Variants in BACE2 observed in about 807,000 individuals in gnomAD.
BACE2 encodes the protein 56 kDa aspartic-like protease.
BACE2 carries 17 observed loss-of-function variants against 46.2 expected under a neutral mutation model. That is an observed-to-expected ratio of 0.37 (90% confidence interval 0.25 to 0.55). The LOEUF (loss-of-function observed/expected upper bound fraction) is 0.55. BACE2 is among the 20% of genes least tolerant of loss of function. BACE2 has a pLI of 0.82. For missense variants in BACE2, 595 were observed against 698.1 expected, an observed-to-expected ratio of 0.85 and a Z score of 1.66; for synonymous variants, 277 against 295.9, an observed-to-expected ratio of 0.94 and a Z score of 0.66.
intron 1 of BACE2, 67 bp from the exon 2 acceptor site, chr21:41,226,199 C>A: frequency 8.2e-7 from 1 of 1,224,490 alleles, no homozygotes; most frequent in South Asian, 1.3e-5. Context: ...AAACATTATT[C>A]AAGAGTATTG....
intron 8 of BACE2, among the ~76,000 whole-genome samples, chr21:41,264,501 T>G (rs1988019818): frequency 6.6e-6 from 1 of 152,024 alleles, no homozygotes; most frequent in African/African-American, 2.4e-5. Flanking sequence ...TTATACAGAC[T>G]TCTGCTTCTC....
intron 8 of BACE2, among the ~76,000 whole-genome samples, chr21:41,267,417 T>G (rs777572575): frequency 2.6e-5 from 4 of 152,250 alleles, no homozygotes; most frequent in Non-Finnish European, 4.4e-5. Context: ...CTCTCTGTTA[T>G]TTTAGTGTAT....
intron 2 of BACE2, among the ~76,000 whole-genome samples, chr21:41,229,550 C>T (rs533918192): frequency 5.4e-4 from 82 of 152,202 alleles, no homozygotes; most frequent in Non-Finnish European, 9.3e-4. Flanking sequence ...CACATCCTTT[C>T]GCTATGCAGA....
chr21:41,243,614 A>T (rs920718829), intron 5 of BACE2, 104 bp downstream of exon 5: 11 of 1,218,490 alleles, frequency 9.0e-6, no homozygotes, highest in Non-Finnish European at 1.2e-5. Context: ...ATTACCTCGT[A>T]AGATAAAGGC....
At chr21:41,244,964 C>T (rs1032792003) in intron 5 of BACE2, among the ~76,000 whole-genome samples, 3 of 151,754 alleles carry the variant, frequency 2.0e-5, no homozygotes, top group Non-Finnish European at 4.4e-5. Context: ...TAGGTTCTTT[C>T]CTGCCCACCC....
chr21:41,197,679 C>T (rs1985790349), intron 1 of BACE2, among the ~76,000 whole-genome samples: 1 of 152,032 alleles, frequency 6.6e-6, no homozygotes, highest in African/African-American at 2.4e-5. Flanking sequence ...GGAAATAAGC[C>T]GTACCTTCCG....
intron 5 of BACE2, among the ~76,000 whole-genome samples, chr21:41,244,794 C>G (rs780106162): frequency 9.2e-5 from 14 of 152,094 alleles, no homozygotes; most frequent in Non-Finnish European, 1.6e-4. Flanking sequence ...TGTCAAGAGG[C>G]ACTTATTTGT....
chr21:41,188,390 T>A (rs73902947), intron 1 of BACE2, among the ~76,000 whole-genome samples: 6,056 of 152,208 alleles, frequency 0.04, 360 homozygotes, highest in African/African-American at 0.13. Context: ...GGGTGTTCCA[T>A]GGTTGGCAGG....
intron 3 of BACE2, among the ~76,000 whole-genome samples, chr21:41,241,245 GC>G (rs1293080353): frequency 6.6e-6 from 1 of 152,184 alleles, no homozygotes; most frequent in African/African-American, 2.4e-5. Flanking sequence ...GGAATAAGAA[GC>G]CTTTTATGCT....
chr21:41,188,262 G>T (rs1013173829), intron 1 of BACE2, among the ~76,000 whole-genome samples: 2 of 152,146 alleles, frequency 1.3e-5, no homozygotes, highest in African/African-American at 4.8e-5. Flanking sequence ...TTCACTTGGG[G>T]CCTGCTCATC....
In BACE2 at chr21:41,241,857, G is replaced by A; in HGVS notation, c.657G>A (p.Val219=). ...TGGAGACCTTCTTCGACTCCCTGGT[G>A]ACACAAGCAAACATCCCCAACGTTT... The part of the protein sequence containing the change: ...SSLETFFDSL[V]TQANIPNVFS... The change falls in exon 4 of 9, where the codon GTG becomes GTA. Residue 219 remains valine, a synonymous_variant. Coordinates refer to ENST00000330333, the MANE Select transcript of BACE2 (RefSeq NM_012105.5). 6.2e-7 allele frequency: 1 copy of A among 1,614,176 alleles called. No individual in the cohort carries two copies. Among genetic ancestry groups the A allele is most frequent in the Non-Finnish European group, 8.5e-7 (1 of 1,180,030 alleles).
Position 41,257,051 on chromosome 21 carries a change from C to A in BACE2, c.1135-107C>A. On this transcript the variant is annotated intron_variant, in intron 7 of 8. Transcript: ENST00000330333. ...CATCTTTCTTCTCCCGTGACTCCCC[C>A]CAGCGCCTGGGAGGGTCCTGAGCAT... 5 of 1,280,688 alleles carry A rather than the reference C, an allele frequency of 3.9e-6. No individual in the cohort carries two copies. In the East Asian group the frequency reaches 1.2e-4, roughly 30 times the overall value. 79.3% of individuals were successfully genotyped at this position (1,280,688 alleles called of 1,614,324 possible).
intron 3 of BACE2, among the ~76,000 whole-genome samples, chr21:41,240,427 C>G (rs1465700430): frequency 2.0e-5 from 3 of 152,256 alleles, no homozygotes; most frequent in Non-Finnish European, 4.4e-5. Flanking sequence ...GATTGCAGCT[C>G]CTTCGCTGTG....
intron 7 of BACE2, among the ~76,000 whole-genome samples, chr21:41,255,986 T>A (rs906213326): frequency 9.9e-5 from 15 of 152,220 alleles, no homozygotes; most frequent in Admixed American, 9.8e-4. Context: ...AAATCTACAT[T>A]GTATAGAGAA....
intron 1 of BACE2, chr21:41,179,747 G>T: frequency 1.0e-6 from 1 of 996,412 alleles, no homozygotes. Context: ...AGCTGAGGGT[G>T]CCTGGTGTGG....
Position 41,241,850 on chromosome 21 carries a change from C to T in BACE2, c.650C>T (p.Ser217Phe). 1 of 1,614,198 alleles carries T rather than the reference C, an allele frequency of 6.2e-7. No homozygotes were observed. Among genetic ancestry groups the T allele is most frequent in the Non-Finnish European group, 8.5e-7 (1 of 1,180,038 alleles). ...AGTTCTCTGGAGACCTTCTTCGACT[C>T]CCTGGTGACACAAGCAAACATCCCC... ...PSSSLETFFD[S>F]LVTQANIPNV... The change falls in exon 4 of 9, where the codon TCC becomes TTC. Residue 217 changes from serine to phenylalanine, a missense_variant. Physicochemically the swap from Ser to Phe is radical, Grantham distance 155 (BLOSUM62 -2). Transcript: ENST00000330333.
intron 1 of BACE2, among the ~76,000 whole-genome samples, chr21:41,173,037 T>C (rs1327776510): frequency 6.6e-6 from 1 of 152,222 alleles, no homozygotes; most frequent in Non-Finnish European, 1.5e-5. Flanking sequence ...GACCAGTCAT[T>C]AGATTAGGGC....
rs1324929681 is a variant in BACE2 at position 41,257,219 on chromosome 21, C to T, written c.1196C>T (p.Ser399Phe). The T allele has an allele frequency of 3.1e-6, 5 of 1,614,078 alleles. No homozygotes were observed. The highest frequency in any genetic ancestry group is 4.2e-6 in the Non-Finnish European group (5 of 1,180,042). The change falls in exon 8 of 9, where the codon TCC (serine) becomes TTC (phenylalanine). Residue 399 changes from serine (S) to phenylalanine (F), a missense_variant. Physicochemically the swap from Ser to Phe is radical, Grantham distance 155. This residue lies in a region of BACE2 where 343 missense variants were observed against 419.4 expected (regional missense o/e 0.82). Coordinates refer to ENST00000330333, the MANE Select transcript of BACE2 (RefSeq NM_012105.5). Reference protein sequence around the residue: ...LNYECYRFGISPSTNALVIGA... With the variant: ...LNYECYRFGIFPSTNALVIGA... ...TATGAATGTTACCGATTCGGCATTT[C>T]CCCATCCACAAATGCGCTGGTGATC...
At chr21:41,261,535 T>C (rs973718844) in intron 8 of BACE2, among the ~76,000 whole-genome samples, 1 of 152,072 alleles carries the variant, frequency 6.6e-6, no homozygotes, top group Non-Finnish European at 1.5e-5. Flanking sequence ...GACTTTTTAC[T>C]TTGTTTTGGT....
Sources: allele counts gnomAD v4.1 joint callset (sites outside exome capture counted in the v4.1 genomes callset), GRCh38; gene constraint gnomAD v4.1.1; regional missense constraint gnomAD v4.1.1; transcripts MANE v1.5; gene names NCBI Gene and HGNC (gene_info 2026-07-23, HGNC 2026-07-21).